The following C12orf76 variants were observed in gnomAD, a reference collection of about 807,000 sequenced individuals.
C12orf76 encodes the protein uncharacterized protein C12orf76.
A neutral mutation model predicts 6.8 loss-of-function variants in C12orf76; 6 were observed. The ratio of observed to expected loss-of-function variants is 0.88; its 90% CI spans 0.48 to 1.73. The LOEUF is 1.73. Among genes scored for constraint, C12orf76 ranks in the 40% most tolerant of loss-of-function variants. The probability of loss-of-function intolerance (pLI) is 0.01; values close to 1 mark genes in which losing one functional copy is unlikely to be tolerated. For missense variants in C12orf76, 99 were observed against 98.2 expected, an observed-to-expected ratio of 1.01 and a Z score of -0.03; for synonymous variants, 56 against 43.7, an observed-to-expected ratio of 1.28 and a Z score of -1.11.
chr12:110,050,456 A>T (rs1386852013), upstream of C12orf76: 1 of 154,688 alleles, frequency 6.5e-6, no homozygotes, highest in Non-Finnish European at 1.4e-5. Flanking sequence ...AAGTCACAGG[A>T]TGATATAGGA....
chr12:110,063,248 T>A (rs1892803840), intron 2 of C12orf76, among the ~76,000 whole-genome samples: 1 of 151,918 alleles, frequency 6.6e-6, no homozygotes, highest in East Asian at 1.9e-4. Flanking sequence ...CCCCCCTTTT[T>A]TAATTTAATT....
At chr12:110,064,546 G>A (rs1309817846) in intron 2 of C12orf76, among the ~76,000 whole-genome samples, 1 of 152,152 alleles carries the variant, frequency 6.6e-6, no homozygotes, top group Non-Finnish European at 1.5e-5. Flanking sequence ...GCAAAATAAT[G>A]TCTTTAAAAT....
rs1056653425 is a variant in C12orf76, at chr12:110,066,102, G to C, written n.207-69C>G. On this transcript the variant is annotated intron_variant and non_coding_transcript_variant, in intron 1 of 4. Coordinates refer to the C12orf76 transcript ENST00000309050. ...TCTATTTCCCCGAAGATGGTCAGGG[G>C]CAGGCCGGGCGCGGTAGCTCACAAT... 9 of 1,423,512 alleles carry C rather than the reference G, an allele frequency of 6.3e-6. No individual in the cohort carries two copies. The African/African-American group carries it at 1.3e-4, about 20-fold the overall frequency. 88.2% of individuals were successfully genotyped at this position (1,423,512 alleles called of 1,614,324 possible). A position where few individuals can be genotyped will look rare whatever the true frequency, so the allele number is the denominator to read the frequency against.
intron 2 of C12orf76, among the ~76,000 whole-genome samples, chr12:110,062,173 A>G (rs1407993315): frequency 6.6e-6 from 1 of 152,126 alleles, no homozygotes; most frequent in African/African-American, 2.4e-5. Context: ...CTGAGATAGG[A>G]GAATCGTTTG....
intron 2 of C12orf76, among the ~76,000 whole-genome samples, chr12:110,060,210 G>A (rs1380657449): frequency 6.6e-6 from 1 of 152,112 alleles, no homozygotes; most frequent in African/African-American, 2.4e-5. Context: ...TGTGCAACAA[G>A]AGTGAAACTC....
upstream of C12orf76, among the ~76,000 whole-genome samples, chr12:110,068,202 C>T (rs1034339823): frequency 8.3e-5 from 12 of 144,884 alleles, no homozygotes; most frequent in Admixed American, 5.0e-4. Context: ...GAAACTCCGT[C>T]TCAAAAAAGA....
chr12:110,060,422 G>T (rs1434986458), intron 2 of C12orf76, among the ~76,000 whole-genome samples: 1 of 151,956 alleles, frequency 6.6e-6, no homozygotes, highest in African/African-American at 2.4e-5. Context: ...CAACGTCATT[G>T]TCACTAAATC....
intron 1 of C12orf76, among the ~76,000 whole-genome samples, chr12:110,043,582 G>A (rs182631564): frequency 4.1e-4 from 63 of 152,206 alleles, no homozygotes; most frequent in Admixed American, 3.7e-3. Context: ...GGCTGGGTGC[G>A]GTGGCTCATG....
chr12:110,066,052 A>C, intron 1 of C12orf76: 5 of 1,541,580 alleles, frequency 3.2e-6, no homozygotes, highest in Non-Finnish European at 4.4e-6. Flanking sequence ...CAAGGGTGGG[A>C]TGAGAATGTG....
upstream of C12orf76, among the ~76,000 whole-genome samples, chr12:110,051,656 A>C (rs1291228439): frequency 6.6e-6 from 1 of 151,958 alleles, no homozygotes; most frequent in Non-Finnish European, 1.5e-5. Flanking sequence ...TGAACTCCTG[A>C]CCTCATGATC....
At chr12:110,042,735 A>G (rs2137210733) in intron 1 of C12orf76, 1 of 624,650 alleles carries the variant, frequency 1.6e-6, no homozygotes. Context: ...AAGGGGGGAC[A>G]GTCAGGAAGC....
intron 1 of C12orf76, 60 bp downstream of exon 1, chr12:110,048,303 C>T: frequency 7.0e-7 from 1 of 1,435,120 alleles, no homozygotes; most frequent in Middle Eastern, 2.5e-4. Context: ...CCGGCTCCAG[C>T]ACCCGGAGCA....
chr12:110,058,065 C>CA (rs59838926), intron 3 of C12orf76, among the ~76,000 whole-genome samples: 10,560 of 52,656 alleles, frequency 0.2, 1,384 homozygotes, highest in Non-Finnish European at 0.28. Context: ...GACTCGGTCT[C>CA]AAAAAAAAAA....
Position 110,042,338 on chromosome 12 carries a change from T to C in C12orf76, c.*36A>G, listed in dbSNP as rs555325986. On this transcript the variant is annotated 3_prime_UTR_variant, in exon 2 of 2. Transcript: ENST00000615315. The stretch of plus-strand genomic sequence containing the variant: ...GGCCTGTGTGCAACACAACTTATCC[T>C]ATTCCCAAATACTCATTGAAGAACT... 66 of 1,573,570 alleles carry C rather than the reference T, an allele frequency of 4.2e-5. No individual in the cohort carries two copies. The South Asian group carries it at 6.9e-4, about 16-fold the overall frequency.
upstream of C12orf76, among the ~76,000 whole-genome samples, chr12:110,068,254 AAGAAGAAGAAG>A (rs1187413717): frequency 2.3e-5 from 1 of 42,596 alleles, no homozygotes; most frequent in African/African-American, 1.0e-4. Context: ...AAGAAAGAAG[AAGAAGAAGAAG>A]AAGAAGAAGA....
chr12:110,062,964 A>G (rs1175651034), intron 2 of C12orf76, among the ~76,000 whole-genome samples: 1 of 145,828 alleles, frequency 6.9e-6, no homozygotes, highest in Admixed American at 6.9e-5. Flanking sequence ...TTTTTTTTTT[A>G]GAGTCTCGCT....
In C12orf76 at chr12:110,062,788, ATTT is replaced by A. The variant is rs71079597; in HGVS notation, n.380+3069_380+3071del. On this transcript the variant is annotated intron_variant and non_coding_transcript_variant, in intron 2 of 4. Coordinates refer to the C12orf76 transcript ENST00000309050. ...GTGTGCACCACCATGCCCAGCTAAT[ATTT>A]TTTTTTTTTTTTTTTTTTTTTTTTT... Among the ~76,000 whole-genome samples, 280 of 63,358 alleles carry A rather than the reference ATTT, an allele frequency of 4.4e-3. 3 individuals are homozygous for A. The highest frequency in any genetic ancestry group is 0.02 in the African/African-American group (270 of 13,402). The allele number at this position is 63,358 out of a possible 152,430, so 41.6% of individuals were successfully genotyped here.
At chr12:110,043,230 G>T (rs1346320775) in intron 1 of C12orf76, among the ~76,000 whole-genome samples, 1 of 152,150 alleles carries the variant, frequency 6.6e-6, no homozygotes, top group African/African-American at 2.4e-5. Flanking sequence ...TGCAGGAAGA[G>T]AGGCAGGAAA....
chr12:110,057,224 A>T, exon 4 of C12orf76: 1 of 1,614,142 alleles, frequency 6.2e-7, no homozygotes, highest in Non-Finnish European at 8.5e-7. Context: ...CCATGCCAGC[A>T]TGGTTAGATT....
Sources: allele counts gnomAD v4.1 joint callset (sites outside exome capture counted in the v4.1 genomes callset), GRCh38; gene constraint gnomAD v4.1.1; transcripts MANE v1.5; gene names NCBI Gene and HGNC (gene_info 2026-07-23, HGNC 2026-07-21).